SOBP: variants seen among roughly 807,000 people sequenced by gnomAD.
SOBP encodes the protein sine oculis-binding protein homolog.
SOBP carries 4 observed loss-of-function variants against 53.6 expected under a neutral mutation model. The observed-to-expected ratio is 0.07, with a 90% confidence interval of 0.04 to 0.17. SOBP has a LOEUF of 0.17. SOBP is among the 10% of genes least tolerant of loss of function. The pLI, the probability that SOBP is intolerant of heterozygous loss-of-function variation, is 1.00. For synonymous variants in SOBP, 584 were observed against 522.6 expected, an observed-to-expected ratio of 1.12 and a Z score of -1.60; for missense variants, 1,088 against 1,204.7, an observed-to-expected ratio of 0.90 and a Z score of 1.43.
intron 5 of SOBP, among the ~76,000 whole-genome samples, chr6:107,601,402 A>G (rs571054190): frequency 6.6e-6 from 1 of 152,240 alleles, no homozygotes; most frequent in South Asian, 2.1e-4. Context: ...ATTCATGTGT[A>G]TGTTTGAATT....
intron 4 of SOBP, among the ~76,000 whole-genome samples, chr6:107,576,414 A>G (rs1199997753): frequency 2.0e-5 from 3 of 152,184 alleles, no homozygotes; most frequent in Non-Finnish European, 4.4e-5. Context: ...AAGACAAATT[A>G]TATTTTGGAC....
At chr6:107,546,048 C>T (rs1467700393) in intron 4 of SOBP, among the ~76,000 whole-genome samples, 1 of 152,032 alleles carries the variant, frequency 6.6e-6, no homozygotes, top group Non-Finnish European at 1.5e-5. Context: ...AAAAAGGCAT[C>T]CTTTAGAAAG....
chr6:107,495,830 C>A (rs1363665179), intron 1 of SOBP, among the ~76,000 whole-genome samples: 1 of 151,988 alleles, frequency 6.6e-6, no homozygotes, highest in Non-Finnish European at 1.5e-5. Context: ...ACTCTTTATA[C>A]TTAACAAAAT....
chr6:107,515,085 T>A (rs1235496847), intron 3 of SOBP: 1 of 152,260 alleles, frequency 6.6e-6, no homozygotes, highest in East Asian at 1.9e-4. Flanking sequence ...ATCATTTTGA[T>A]GTTATGCATA....
At chr6:107,503,364 T>C (rs1782893171) in intron 1 of SOBP, among the ~76,000 whole-genome samples, 1 of 152,244 alleles carries the variant, frequency 6.6e-6, no homozygotes, top group Non-Finnish European at 1.5e-5. Context: ...TATAGACTAA[T>C]GTGCTAAAAT....
chr6:107,627,485 G>A (rs553136764), intron 5 of SOBP, among the ~76,000 whole-genome samples: 1 of 152,196 alleles, frequency 6.6e-6, no homozygotes, highest in Non-Finnish European at 1.5e-5. Flanking sequence ...AGTAGAACTT[G>A]AGTCATGGTA....
rs1321622917 is a variant in SOBP, at chr6:107,632,289, G to A, written c.670-1225G>A. ...TGCACTGTTTCACAATTCTTTCTTT[G>A]CTGCTATATATGGCTTGAGTGCTGA... On this transcript the variant is annotated intron_variant, in intron 5 of 6. Coordinates refer to ENST00000317357, the MANE Select transcript of SOBP (RefSeq NM_018013.4). Among the ~76,000 whole-genome samples, 4 of 151,404 alleles carry A rather than the reference G, an allele frequency of 2.6e-5. No homozygotes were observed. In the East Asian group the frequency reaches 7.7e-4, roughly 29 times the overall value.
intron 4 of SOBP, among the ~76,000 whole-genome samples, chr6:107,580,967 G>T (rs1432348013): frequency 6.6e-6 from 1 of 152,186 alleles, no homozygotes; most frequent in Non-Finnish European, 1.5e-5. Flanking sequence ...GGAGTGTAAG[G>T]CTGAATATCC....
At chr6:107,508,403 A>T (rs1184654528) in intron 3 of SOBP, among the ~76,000 whole-genome samples, 1 of 151,838 alleles carries the variant, frequency 6.6e-6, no homozygotes, top group African/African-American at 2.4e-5. Context: ...ACATGGAGAA[A>T]CCCCGTCTCT....
At chr6:107,643,195 A>G (rs1410528448) in intron 6 of SOBP, among the ~76,000 whole-genome samples, 2 of 152,204 alleles carry the variant, frequency 1.3e-5, no homozygotes, top group African/African-American at 4.8e-5. Context: ...ACACACACAC[A>G]CTTTAAAAAC....
chr6:107,504,524 G>T (rs1782927990), intron 2 of SOBP, among the ~76,000 whole-genome samples: 1 of 152,178 alleles, frequency 6.6e-6, no homozygotes, highest in South Asian at 2.1e-4. Flanking sequence ...AGGAATGAGA[G>T]CTTGCTTGTC....
rs151121157 is a variant in SOBP at position 107,529,435 on chromosome 6, A to C, written c.422-4024A>C. 3.5e-3 allele frequency: 3,420 copies of C among 985,210 alleles called. 12 individuals are homozygous for C. Among genetic ancestry groups the C allele is most frequent in the Middle Eastern group, 7.3e-3 (14 of 1,914 alleles). The allele number at this position is 985,210 out of a possible 1,614,324, so 61.0% of individuals were successfully genotyped here. ...CAAATATAATCCAGGTCTTTCATTG[A>C]TTATCTGGATGTGTGCATTCTAGGA... On this transcript the variant is annotated intron_variant, in intron 3 of 6. Coordinates refer to ENST00000317357, the MANE Select transcript of SOBP (RefSeq NM_018013.4).
Position 107,658,441 on chromosome 6 carries a change from C to T in SOBP, c.*238C>T, listed in dbSNP as rs1426609382. On this transcript the variant is annotated 3_prime_UTR_variant, in exon 7 of 7. Transcript: ENST00000317357. ...AGCAGGCCCAGCCTTCCTGCTGCCA[C>T]CATCTCTGCTTCTCCCCAGAGGAAC... The T allele has an allele frequency of 6.6e-6, 1 of 152,652 alleles. No homozygotes were observed. The highest frequency in any genetic ancestry group is 6.5e-5 in the Admixed American group (1 of 15,286). The allele number at this position is 152,652 out of a possible 1,614,324, so 9.5% of individuals were successfully genotyped here.
intron 5 of SOBP, among the ~76,000 whole-genome samples, chr6:107,598,699 A>G (rs1438959345): frequency 1.3e-5 from 2 of 152,192 alleles, no homozygotes; most frequent in Non-Finnish European, 2.9e-5. Context: ...GGAGACTTCT[A>G]GAAGGCGGTT....
rs909808063 is a variant in SOBP, at chr6:107,509,116, C to T, written c.421+2689C>T. On this transcript the variant is annotated intron_variant, in intron 3 of 6. Transcript: ENST00000317357. ...TGAGATAAGAAAATGTATGTAAGGC[C>T]GGGCGCAGTGGCTCATGCCTGTAAT... Among the ~76,000 whole-genome samples, 4 of 152,104 alleles carry T rather than the reference C, an allele frequency of 2.6e-5. No individual in the cohort carries two copies. In the South Asian group the frequency reaches 6.2e-4, roughly 24 times the overall value.
At chr6:107,493,061 A>G (rs531468444) in intron 1 of SOBP, among the ~76,000 whole-genome samples, 6 of 152,156 alleles carry the variant, frequency 3.9e-5, no homozygotes, top group Admixed American at 1.3e-4. Flanking sequence ...TTTAATATTA[A>G]TAATCACATC....
chr6:107,624,908 C>T (rs759384267), intron 5 of SOBP, among the ~76,000 whole-genome samples: 2 of 152,158 alleles, frequency 1.3e-5, no homozygotes, highest in African/African-American at 2.4e-5. Context: ...TATTAGTCAC[C>T]TATCTTAATC....
chr6:107,582,512 C>A (rs1219542775), intron 4 of SOBP, among the ~76,000 whole-genome samples: 2 of 151,684 alleles, frequency 1.3e-5, no homozygotes, highest in Non-Finnish European at 2.9e-5. Context: ...ACAGGGAAAT[C>A]CGCTTGCAGT....
Position 107,506,294 on chromosome 6 carries a change from C to T in SOBP, c.288C>T (p.Tyr96=). 1.2e-6 allele frequency: 2 copies of T among 1,614,130 alleles called. No individual in the cohort carries two copies. Among genetic ancestry groups the T allele is most frequent in the Admixed American group, 1.7e-5 (1 of 60,024 alleles). Residue 96 remains tyrosine (Y), a synonymous_variant, in exon 3 of 7, where the codon TAC becomes TAT. Transcript: ENST00000317357. ...CCGAGGACAGTGTTATTTCACCATA[C>T]AATATAAGCACAGGCTATTCAGGGC... ...KLPEDSVISP[Y]NISTGYSGLA...
Sources: allele counts gnomAD v4.1 joint callset (sites outside exome capture counted in the v4.1 genomes callset), GRCh38; gene constraint gnomAD v4.1.1; transcripts MANE v1.5; gene names NCBI Gene and HGNC (gene_info 2026-07-23, HGNC 2026-07-21).